Variants in PCDH11X observed in about 807,000 individuals in gnomAD.
PCDH11X encodes the protein protocadherin-11 X-linked.
PCDH11X carries 18 observed loss-of-function variants against 53.3 expected under a neutral mutation model. The ratio of observed to expected loss-of-function variants is 0.34; its 90% CI spans 0.23 to 0.50. The LOEUF (loss-of-function observed/expected upper bound fraction) is 0.50. Among genes scored for constraint, PCDH11X ranks in the 20% least tolerant of loss-of-function variants. The probability of loss-of-function intolerance (pLI) is 0.98; values close to 1 mark genes in which losing one functional copy is unlikely to be tolerated. For missense variants in PCDH11X, 570 were observed against 1,032.4 expected (o/e 0.55, Z 6.14); for synonymous variants, 279 against 393.3 (o/e 0.71, Z 3.44).
rs1936262512 is a variant in PCDH11X at position 91,810,514 on chromosome X, A to C, written c.-168A>C. 8.9e-6 allele frequency: 1 copy of C among 111,917 alleles called. No homozygotes were observed. The highest frequency in any genetic ancestry group is 1.9e-5 in the Non-Finnish European group (1 of 53,172). 9.2% of individuals were successfully genotyped at this position (111,917 alleles called of 1,213,427 possible). ...ATAAGAAGGATTCCACAGATCACAT[A>C]CCGGAGAGGTTTTGCCTCAGCTGCT... On this transcript the variant is annotated 5_prime_UTR_variant, in exon 3 of 11. Transcript: ENST00000682573.
chrX:92,148,414 G>A (rs2065369329), intron 6 of PCDH11X, among the ~76,000 whole-genome samples: 1 of 105,138 alleles, frequency 9.5e-6, no homozygotes, highest in South Asian at 4.3e-4. Context: ...TTTTAGTAGA[G>A]ACGGAGTTTC....
intron 10 of PCDH11X, among the ~76,000 whole-genome samples, chrX:92,615,650 A>C (rs975171353): frequency 3.2e-4 from 36 of 110,790 alleles, no homozygotes; most frequent in Non-Finnish European, 6.2e-4. Context: ...CCATACTGCT[A>C]GGTCTCAAAG....
intron 10 of PCDH11X, among the ~76,000 whole-genome samples, chrX:92,568,282 C>T (rs1029985977): frequency 2.7e-5 from 3 of 109,579 alleles, no homozygotes; most frequent in African/African-American, 1.0e-4. Flanking sequence ...ATTAGCCCGG[C>T]GTGGTGGCGG....
intron 7 of PCDH11X, among the ~76,000 whole-genome samples, chrX:92,245,298 A>T (rs990771745): frequency 1.8e-5 from 2 of 112,022 alleles, no homozygotes; most frequent in Non-Finnish European, 3.8e-5. Context: ...TTATTTCTGT[A>T]TTATGGAAAT....
intron 8 of PCDH11X, among the ~76,000 whole-genome samples, chrX:92,353,391 T>A (rs766010567): frequency 4.7e-4 from 53 of 111,810 alleles, no homozygotes; most frequent in Admixed American, 1.5e-3. Flanking sequence ...TCTTCAGTCC[T>A]AAAATACAAT....
chrX:91,890,899 T>G (rs1270463899), intron 6 of PCDH11X, among the ~76,000 whole-genome samples: 2 of 108,883 alleles, frequency 1.8e-5, no homozygotes, highest in African/African-American at 6.7e-5. Flanking sequence ...AACAGCTCAG[T>G]GAGGACTTTG....
At chrX:92,298,410 A>T (rs1449532824) in intron 8 of PCDH11X, among the ~76,000 whole-genome samples, 1 of 111,381 alleles carries the variant, frequency 9.0e-6, no homozygotes, top group African/African-American at 3.3e-5. Flanking sequence ...ACAAATGAGA[A>T]TTTTATTTTC....
At chrX:92,605,184 A>C (rs1425893969) in intron 10 of PCDH11X, among the ~76,000 whole-genome samples, 1 of 109,790 alleles carries the variant, frequency 9.1e-6, no homozygotes, top group African/African-American at 3.4e-5. Context: ...AAGCCTCAAT[A>C]ATTTGAAAAG....
chrX:91,877,987 C>T lies in PCDH11X; in HGVS notation c.1747C>T (p.Leu583Phe), dbSNP rs1208159962. ...NEYNFYVPENLPRHGTVGLIT... is the reference protein window; with the variant it reads ...NEYNFYVPENFPRHGTVGLIT... ...ATACAACTTCTATGTCCCAGAAAAC[C>T]TTCCAAGGCATGGTACAGTAGGACT... Residue 583 changes from leucine to phenylalanine, a missense_variant, in exon 6 of 11, where the codon CTT becomes TTT. Leu to Phe is a conservative substitution (Grantham distance 22). Transcript: ENST00000682573. 8.3e-7 allele frequency: 1 copy of T among 1,209,044 alleles called. No individual in the cohort carries two copies. The highest frequency in any genetic ancestry group is 2.2e-5 in the Admixed American group (1 of 45,623).
intron 6 of PCDH11X, among the ~76,000 whole-genome samples, chrX:92,079,049 T>C (rs181974998): frequency 0.021 from 2,332 of 110,285 alleles, 59 homozygotes; most frequent in African/African-American, 0.073. Flanking sequence ...AAATGACAAA[T>C]GTAGTCATTT....
chrX:92,248,016 C>A (rs1035195184), intron 7 of PCDH11X, among the ~76,000 whole-genome samples: 2 of 111,758 alleles, frequency 1.8e-5, no homozygotes, highest in African/African-American at 6.5e-5. Context: ...TTGAACTTCA[C>A]TTTTCTTAGG....
chrX:91,872,238 G>A (rs1319738104), intron 5 of PCDH11X, among the ~76,000 whole-genome samples: 1 of 106,544 alleles, frequency 9.4e-6, no homozygotes, highest in Non-Finnish European at 1.9e-5. Flanking sequence ...TGACACTTTG[G>A]CTTTTATTAC....
intron 10 of PCDH11X, among the ~76,000 whole-genome samples, chrX:92,564,927 A>C (rs1921284395): frequency 9.0e-6 from 1 of 110,840 alleles, no homozygotes; most frequent in Non-Finnish European, 1.9e-5. Context: ...CTATACAAAG[A>C]AAATCTTATA....
At chrX:91,917,569 C>CAAAAAAAAAA (rs59199030) in intron 6 of PCDH11X, among the ~76,000 whole-genome samples, 1 of 15,888 alleles carries the variant, frequency 6.3e-5, no homozygotes, top group African/African-American at 2.4e-4. Context: ...ACAGCAGCTG[C>CAAAAAAAAAA]AAAAAAAAAA....
intron 8 of PCDH11X, among the ~76,000 whole-genome samples, chrX:92,295,573 T>G (rs1427424606): frequency 9.1e-6 from 1 of 110,275 alleles, no homozygotes; most frequent in African/African-American, 3.3e-5. Context: ...ATATTACTGT[T>G]ATTTTCCTGG....
chrX:91,807,005 A>G (rs923382023), intron 1 of PCDH11X, among the ~76,000 whole-genome samples: 7 of 111,355 alleles, frequency 6.3e-5, no homozygotes, highest in Non-Finnish European at 1.3e-4. Flanking sequence ...CAAGTAGTTT[A>G]TCTTTTAACA....
At chrX:92,375,142 TTATATATATATA>T (rs1260512423) in intron 8 of PCDH11X, among the ~76,000 whole-genome samples, 1 of 12,977 alleles carries the variant, frequency 7.7e-5, no homozygotes, top group Non-Finnish European at 1.7e-4. Flanking sequence ...TTCCATTCAT[TTATATATATATA>T]TATATATATA....
intron 2 of PCDH11X, among the ~76,000 whole-genome samples, 29 bp downstream of exon 2, chrX:91,809,663 T>A (rs1168630699): frequency 9.5e-6 from 1 of 105,686 alleles, no homozygotes; most frequent in Non-Finnish European, 1.9e-5. Context: ...ATTTATTAAA[T>A]TAAATTAAGA....
chrX:92,608,695 G>A (rs1927060098), intron 10 of PCDH11X, among the ~76,000 whole-genome samples: 1 of 109,943 alleles, frequency 9.1e-6, no homozygotes, highest in Admixed American at 9.8e-5. Context: ...GAATAAAGGA[G>A]GCAAAAGATA....
Sources: gnomAD v4.1 joint callset for allele counts (sites outside exome capture counted in the v4.1 genomes callset) on GRCh38, gnomAD v4.1.1 for gene constraint, MANE v1.5 for transcripts, NCBI Gene and HGNC (gene_info 2026-07-23, HGNC 2026-07-21) for gene names.